MAPK10: variants seen among roughly 807,000 people sequenced by gnomAD.
The protein encoded by MAPK10 is mitogen-activated protein kinase 10, also known as JNK3 alpha protein kinase.
Under a neutral mutation model 59.3 loss-of-function variants are expected in MAPK10, and 25 were observed. That is an observed-to-expected ratio of 0.42 (90% CI 0.31 to 0.59). The LOEUF is 0.59. Ranked by LOEUF, MAPK10 falls within the 20% of genes least tolerant of loss-of-function variation. MAPK10 has a pLI of 0.15. For synonymous variants in MAPK10, 190 were observed against 200.5 expected, an observed-to-expected ratio of 0.95 and a Z score of 0.44; for missense variants, 351 against 568.9, an observed-to-expected ratio of 0.62 and a Z score of 3.90.
rs2044031949 is a variant in MAPK10 at position 86,249,550 on chromosome 4, ATCTT to A, written c.-6-55147_-6-55144del. Among the ~76,000 whole-genome samples the A allele has an allele frequency of 2.6e-5, 4 of 152,280 alleles. No homozygotes were observed. In the South Asian group the frequency reaches 8.3e-4, roughly 32 times the overall value. ...GAAGCTGGAAAGAGAACTTTAAAAA[ATCTT>A]TCCAGCCTCTATAATGTAAGAAGGC... On this transcript the variant is annotated intron_variant, in intron 2 of 13. Coordinates refer to ENST00000641462, the MANE Select transcript of MAPK10 (RefSeq NM_138982.4).
intron 2 of MAPK10, among the ~76,000 whole-genome samples, chr4:86,245,247 T>C (rs928742730): frequency 6.6e-6 from 1 of 152,126 alleles, no homozygotes; most frequent in Non-Finnish European, 1.5e-5. Flanking sequence ...ATTCATTTGC[T>C]GAGCCCAACT....
rs116598628 is a variant in MAPK10 at position 86,229,159 on chromosome 4, A to G, written c.-6-34752T>C. 8.4e-3 allele frequency among the ~76,000 whole-genome samples: 1,284 copies of G among 152,310 alleles called. 20 individuals carry two copies. Among genetic ancestry groups the G allele is most frequent in the African/African-American group, 0.029 (1,223 of 41,576 alleles). On this transcript the variant is annotated intron_variant, in intron 2 of 13. Transcript: ENST00000641462. ...AAGATCCTAATTAAATACCAATGGGAAGAGCAAAGTCAATTCTAGGGTCCA... is the reference window on the plus strand; with the variant it reads ...AAGATCCTAATTAAATACCAATGGGGAGAGCAAAGTCAATTCTAGGGTCCA...
At chr4:86,465,175 G>A (rs1752089286) in intron 1 of MAPK10, among the ~76,000 whole-genome samples, 1 of 152,208 alleles carries the variant, frequency 6.6e-6, no homozygotes, top group African/African-American at 2.4e-5. Flanking sequence ...GTACATGTAT[G>A]TGTGGACACC....
At position 86,121,273 on chromosome 4, in the gene MAPK10, T is replaced by A. The variant is rs371223358; in HGVS notation, c.237-13921A>T. On this transcript the variant is annotated intron_variant, in intron 4 of 13. Transcript: ENST00000641462. Reference sequence around the variant, plus strand: ...TCAAGAAACAGCCAGATTTGGTGACTGGTGAGGGCTTGTTCCTCATAGAAG... The same window carrying A: ...TCAAGAAACAGCCAGATTTGGTGACAGGTGAGGGCTTGTTCCTCATAGAAG... Among the ~76,000 whole-genome samples the A allele has an allele frequency of 2.6e-5, 4 of 152,336 alleles. No homozygotes were observed. The East Asian group carries it at 5.8e-4, about 22-fold the overall frequency.
At chr4:86,159,541 G>T in intron 3 of MAPK10, 74 bp from the exon 4 acceptor site, 1 of 1,273,988 alleles carries the variant, frequency 7.8e-7, no homozygotes, top group East Asian at 2.5e-5. Context: ...ACAGAAACTT[G>T]TTCTTTTAAT....
chr4:86,271,125 T>C (rs1389857901), intron 2 of MAPK10, among the ~76,000 whole-genome samples: 4 of 152,064 alleles, frequency 2.6e-5, no homozygotes, highest in Admixed American at 6.6e-5. Flanking sequence ...TACCATTTTA[T>C]CCTCCTCTTG....
intron 11 of MAPK10, among the ~76,000 whole-genome samples, chr4:86,037,839 G>A (rs749539387): frequency 4.6e-5 from 7 of 152,118 alleles, no homozygotes; most frequent in Non-Finnish European, 8.8e-5. Context: ...GGAAAAGACA[G>A]AATAATGGAA....
intron 2 of MAPK10, among the ~76,000 whole-genome samples, chr4:86,205,058 G>C (rs1200551112): frequency 6.6e-6 from 1 of 151,784 alleles, no homozygotes; most frequent in African/African-American, 2.4e-5. Flanking sequence ...ATATTAAATG[G>C]AATTAAAGAA....
intron 13 of MAPK10, chr4:86,025,321 A>G (rs1749644690): frequency 2.6e-6 from 1 of 391,214 alleles, no homozygotes; most frequent in Non-Finnish European, 4.5e-6. Flanking sequence ...CTATTGCGCT[A>G]TAATAAATGC....
chr4:86,047,276 A>C (rs981549951), intron 11 of MAPK10, among the ~76,000 whole-genome samples: 1 of 152,112 alleles, frequency 6.6e-6, no homozygotes, highest in Non-Finnish European at 1.5e-5. Flanking sequence ...TGGTCATAAA[A>C]GGCTTCTTTG....
intron 2 of MAPK10, among the ~76,000 whole-genome samples, chr4:86,291,556 CATAT>C (rs1392366544): frequency 6.6e-6 from 1 of 152,074 alleles, no homozygotes; most frequent in Non-Finnish European, 1.5e-5. Context: ...TAAAGAAATG[CATAT>C]AGCTTTGGCA....
chr4:86,158,358 A>G (rs893153893), intron 4 of MAPK10, among the ~76,000 whole-genome samples: 2 of 151,910 alleles, frequency 1.3e-5, no homozygotes, highest in African/African-American at 4.8e-5. Flanking sequence ...TCTGACCTAC[A>G]GAACTGTAAG....
At chr4:86,541,374 C>T (rs1171200472) in intron 1 of MAPK10, among the ~76,000 whole-genome samples, 3 of 152,172 alleles carry the variant, frequency 2.0e-5, no homozygotes, top group African/African-American at 7.2e-5. Context: ...CAAGACTTCA[C>T]AGCCAGGAAG....
At chr4:86,248,334 C>A (rs1032058427) in intron 2 of MAPK10, among the ~76,000 whole-genome samples, 3 of 152,210 alleles carry the variant, frequency 2.0e-5, no homozygotes, top group Admixed American at 1.3e-4. Flanking sequence ...AAAGCCAGCT[C>A]ACAATCTCGT....
intron 2 of MAPK10, among the ~76,000 whole-genome samples, chr4:86,335,571 T>C (rs1720728817): frequency 6.6e-6 from 1 of 152,130 alleles, no homozygotes; most frequent in Non-Finnish European, 1.5e-5. Flanking sequence ...TTTCTCCCTC[T>C]TTCTCCCCAT....
intron 1 of MAPK10, among the ~76,000 whole-genome samples, chr4:86,422,937 T>C (rs1746729332): frequency 6.6e-6 from 1 of 152,220 alleles, no homozygotes; most frequent in Non-Finnish European, 1.5e-5. Flanking sequence ...GTCTTTGTTG[T>C]TATTTGCTAA....
intron 9 of MAPK10, among the ~76,000 whole-genome samples, chr4:86,074,436 A>C (rs953716537): frequency 3.3e-5 from 5 of 150,826 alleles, no homozygotes; most frequent in Non-Finnish European, 7.4e-5. Context: ...TTCTGTCATC[A>C]TGATGTTAGC....
At chr4:86,588,211 A>G (rs1426925439) in intron 1 of MAPK10, among the ~76,000 whole-genome samples, 3 of 152,110 alleles carry the variant, frequency 2.0e-5, no homozygotes, top group African/African-American at 7.2e-5. Context: ...CTTGAGTTAG[A>G]GTGTGTCATG....
intron 13 of MAPK10, chr4:86,027,252 G>T (rs1016053467): frequency 4.6e-5 from 7 of 152,170 alleles, no homozygotes; most frequent in African/African-American, 1.7e-4. Flanking sequence ...GTCAACTATA[G>T]TTTAGGGCAT....
Sources: gnomAD v4.1 joint callset for allele counts (sites outside exome capture counted in the v4.1 genomes callset) on GRCh38, gnomAD v4.1.1 for gene constraint, MANE v1.5 for transcripts, NCBI Gene and HGNC (gene_info 2026-07-23, HGNC 2026-07-21) for gene names.